The following TRIM55 variants were observed in gnomAD, a reference collection of about 807,000 sequenced individuals.
TRIM55 encodes the protein tripartite motif-containing protein 55.
In TRIM55, 50 loss-of-function variants were observed where a neutral mutation model predicts 60.9. The ratio of observed to expected loss-of-function variants is 0.82; its 90% CI spans 0.65 to 1.04. The LOEUF (loss-of-function observed/expected upper bound fraction) is 1.04. Among genes scored for constraint, TRIM55 ranks in the 50% least tolerant of loss-of-function variants. The pLI is 0.00. For missense variants in TRIM55, 681 were observed against 666.9 expected, an observed-to-expected ratio of 1.02 and a Z score of -0.23; for synonymous variants, 237 against 238.1, an observed-to-expected ratio of 1.00 and a Z score of 0.04.
intron 9 of TRIM55, among the ~76,000 whole-genome samples, chr8:66,171,831 A>T (rs1381827104): frequency 6.6e-6 from 1 of 152,242 alleles, no homozygotes; most frequent in Non-Finnish European, 1.5e-5. Context: ...GTAGCCATGT[A>T]TGAAGTTGGG....
intron 1 of TRIM55, 33 bp downstream of exon 1, chr8:66,127,469 G>C (rs767128204): frequency 6.2e-7 from 1 of 1,607,332 alleles, no homozygotes. Context: ...TGAGGGGAGG[G>C]GGTGGAAAAG....
chr8:66,138,905 A>T (rs919494762), intron 4 of TRIM55, among the ~76,000 whole-genome samples: 14 of 152,342 alleles, frequency 9.2e-5, no homozygotes, highest in African/African-American at 2.9e-4. Flanking sequence ...GGCAAGTTCT[A>T]TTCAAAGCTA....
intron 2 of TRIM55, among the ~76,000 whole-genome samples, chr8:66,129,380 G>C (rs1809013238): frequency 6.6e-6 from 1 of 152,184 alleles, no homozygotes; most frequent in South Asian, 2.1e-4. Flanking sequence ...GCCTCATTGT[G>C]ATTCCATTAG....
chr8:66,113,629 C>T, the TRIM55 span: 14 of 455,296 alleles, frequency 3.1e-5, no homozygotes, highest in Non-Finnish European at 4.9e-5. Context: ...CCTGCGGGAA[C>T]GTGTCCGGGC....
the TRIM55 span, among the ~76,000 whole-genome samples, chr8:66,117,944 A>T: frequency 6.6e-6 from 1 of 151,912 alleles, no homozygotes; most frequent in Non-Finnish European, 1.5e-5. Context: ...AGGCGGGTGG[A>T]TCACGAGATC....
chr8:66,128,064 G>A (rs1247663056), intron 1 of TRIM55, among the ~76,000 whole-genome samples: 7 of 152,092 alleles, frequency 4.6e-5, no homozygotes, highest in Admixed American at 1.3e-4. Flanking sequence ...GGAACTTTTG[G>A]TTCTGAAAGT....
At chr8:66,124,839 T>A (rs916493674), upstream of TRIM55, among the ~76,000 whole-genome samples, 2 of 152,226 alleles carry the variant, frequency 1.3e-5, no homozygotes, top group East Asian at 3.8e-4. Context: ...CCTGACAGTG[T>A]AAATTGACAG....
chr8:66,136,540 T>C (rs571192973), intron 3 of TRIM55, among the ~76,000 whole-genome samples: 34 of 151,934 alleles, frequency 2.2e-4, no homozygotes, highest in African/African-American at 7.5e-4. Flanking sequence ...GGGAAGGGGG[T>C]AAATAGGAAC....
At chr8:66,139,687 G>A (rs1809691756) in intron 4 of TRIM55, among the ~76,000 whole-genome samples, 1 of 152,142 alleles carries the variant, frequency 6.6e-6, no homozygotes, top group Non-Finnish European at 1.5e-5. Flanking sequence ...GGCTAGGGGA[G>A]GGTATGTAAT....
At chr8:66,125,925 C>T (rs1202848890), upstream of TRIM55, among the ~76,000 whole-genome samples, 1 of 152,204 alleles carries the variant, frequency 6.6e-6, no homozygotes, top group Admixed American at 6.5e-5. Flanking sequence ...AAATTTATCA[C>T]ATATAAACAG....
At chr8:66,120,334 AT>A in the TRIM55 span, among the ~76,000 whole-genome samples, 1 of 152,110 alleles carries the variant, frequency 6.6e-6, no homozygotes, top group Non-Finnish European at 1.5e-5. Flanking sequence ...AATCCTTAGA[AT>A]TTCCCGAGTG....
At position 66,154,065 on chromosome 8, in the gene TRIM55, G is replaced by C. The variant is rs781156219; in HGVS notation, c.1255G>C (p.Gly419Arg). The change falls in exon 9 of 10, where the codon GGC becomes CGC. Residue 419 changes from glycine to arginine, a missense_variant. Physicochemically the swap from Gly to Arg is moderately radical, Grantham distance 125 (BLOSUM62 -2). Coordinates refer to ENST00000315962, the MANE Select transcript of TRIM55 (RefSeq NM_184085.2). ...GATTAAGGGGGAGGTTGTACCCACT[G>C]GCTCTGAGCAGACCACAGAGTCTGA... ...PVTQGEVVPT[G>R]SEQTTESETP... 6.2e-7 allele frequency: 1 copy of C among 1,613,456 alleles called. No individual in the cohort carries two copies. Among genetic ancestry groups the C allele is most frequent in the Non-Finnish European group, 8.5e-7 (1 of 1,179,826 alleles).
rs568256160 is a variant in TRIM55 at position 66,166,915 on chromosome 8, A to G, written c.1525-7556A>G. Among the ~76,000 whole-genome samples, 4 of 152,118 alleles carry G rather than the reference A, an allele frequency of 2.6e-5. No individual in the cohort carries two copies. The South Asian group carries it at 8.3e-4, about 32-fold the overall frequency. ...CGTGACCAGGGGCTGTTCTGCTTTG[A>G]CTCACCACTCAGGATAGATCGGCAC... On this transcript the variant is annotated intron_variant, in intron 9 of 9. Coordinates refer to ENST00000315962, the MANE Select transcript of TRIM55 (RefSeq NM_184085.2).
At chr8:66,148,752 A>C (rs569387969) in intron 4 of TRIM55, among the ~76,000 whole-genome samples, 3 of 152,308 alleles carry the variant, frequency 2.0e-5, no homozygotes, top group East Asian at 3.9e-4. Context: ...TCATCATAGA[A>C]AAAAACATGA....
intron 8 of TRIM55, 51 bp from the exon 9 acceptor site, chr8:66,153,996 T>C (rs1477071051): frequency 1.3e-6 from 2 of 1,527,480 alleles, no homozygotes; most frequent in African/African-American, 1.4e-5. Context: ...TTTTTCTTCT[T>C]CTTCTTCTTT....
At chr8:66,138,309 C>A (rs1809602257) in intron 4 of TRIM55, among the ~76,000 whole-genome samples, 1 of 152,120 alleles carries the variant, frequency 6.6e-6, no homozygotes, top group African/African-American at 2.4e-5. Context: ...ATATACATGT[C>A]TTTTAATTTT....
At chr8:66,171,163 TG>T (rs1811605760) in intron 9 of TRIM55, among the ~76,000 whole-genome samples, 1 of 152,190 alleles carries the variant, frequency 6.6e-6, no homozygotes. Context: ...GGGGGTTTGT[TG>T]TACAGATTAT....
At chr8:66,117,820 T>C in the TRIM55 span, among the ~76,000 whole-genome samples, 1 of 152,196 alleles carries the variant, frequency 6.6e-6, no homozygotes, top group Admixed American at 6.5e-5. Flanking sequence ...TTGTTGGGAC[T>C]GTCGCTGCTT....
At position 66,149,599 on chromosome 8, in the gene TRIM55, G is replaced by A. The variant is rs369793308; in HGVS notation, c.604-46G>A. 9.1e-5 allele frequency: 132 copies of A among 1,449,366 alleles called. 1 individual carries two copies. Among genetic ancestry groups the A allele is most frequent in the Middle Eastern group, 5.2e-4 (3 of 5,738 alleles). 89.8% of individuals were successfully genotyped at this position (1,449,366 alleles called of 1,614,324 possible). On this transcript the variant is annotated intron_variant, in intron 4 of 9. Transcript: ENST00000315962. ...GATAACTAGGTGATTTCTCCAAATCGACTTTGTTTCAAATACTTTCTAACA... is the reference window on the plus strand; with the variant it reads ...GATAACTAGGTGATTTCTCCAAATCAACTTTGTTTCAAATACTTTCTAACA...
Sources: gnomAD v4.1 joint callset for allele counts (sites outside exome capture counted in the v4.1 genomes callset) on GRCh38, gnomAD v4.1.1 for gene constraint, MANE v1.5 for transcripts, NCBI Gene and HGNC (gene_info 2026-07-23, HGNC 2026-07-21) for gene names.